The following TLK2 variants were observed in gnomAD, a reference collection of about 807,000 sequenced individuals.
TLK2 encodes the protein tousled like kinase 2.
In TLK2, 6 loss-of-function variants were observed where a neutral mutation model predicts 117.3. The ratio of observed to expected loss-of-function variants is 0.05; its 90% confidence interval spans 0.03 to 0.10. The LOEUF is 0.10. Ranked by LOEUF, TLK2 falls within the 10% of genes least tolerant of loss-of-function variation. The pLI is 1.00. For synonymous variants in TLK2, 257 were observed against 316.7 expected, an observed-to-expected ratio of 0.81 and a Z score of 2.00; for missense variants, 299 against 901.2, an observed-to-expected ratio of 0.33 and a Z score of 8.56.
At chr17:62,504,866 T>C (rs2319040) in intron 2 of TLK2, among the ~76,000 whole-genome samples, 7 of 152,170 alleles carry the variant, frequency 4.6e-5, no homozygotes, top group African/African-American at 1.7e-4. Context: ...ATTTATTTAT[T>C]ACTTTGAGAC....
At chr17:62,554,670 CA>C (rs1267262252) in intron 9 of TLK2, among the ~76,000 whole-genome samples, 1 of 152,074 alleles carries the variant, frequency 6.6e-6, no homozygotes, top group Admixed American at 6.6e-5. Flanking sequence ...TGCTTGAGAT[CA>C]GGGGTTTGAG....
chr17:62,492,529 C>T (rs2073209911), intron 2 of TLK2, among the ~76,000 whole-genome samples: 1 of 151,894 alleles, frequency 6.6e-6, no homozygotes, highest in African/African-American at 2.4e-5. Flanking sequence ...ACGATCTTGG[C>T]TCACTGTGAT....
intron 7 of TLK2, among the ~76,000 whole-genome samples, chr17:62,547,414 G>A (rs1175963737): frequency 2.0e-5 from 3 of 151,706 alleles, no homozygotes; most frequent in Non-Finnish European, 4.4e-5. Context: ...CACAGGACCA[G>A]GCACAGAGGG....
intron 7 of TLK2, among the ~76,000 whole-genome samples, chr17:62,543,369 T>C (rs2077678739): frequency 6.6e-6 from 1 of 152,234 alleles, no homozygotes; most frequent in Admixed American, 6.5e-5. Flanking sequence ...GGATATATGC[T>C]GGAGAGTGAA....
At chr17:62,538,351 C>T (rs2077264698) in intron 7 of TLK2, among the ~76,000 whole-genome samples, 1 of 152,082 alleles carries the variant, frequency 6.6e-6, no homozygotes, top group South Asian at 2.1e-4. Flanking sequence ...AAATCTTTAT[C>T]TTGGATCTTA....
chr17:62,478,297 C>T (rs1056014480), upstream of TLK2, among the ~76,000 whole-genome samples: 3 of 151,704 alleles, frequency 2.0e-5, no homozygotes, highest in African/African-American at 7.2e-5. Context: ...CCGCACTTCT[C>T]ACCCAAACTC....
At chr17:62,596,503 A>G (rs1332197068) in intron 16 of TLK2, 82 bp from the exon 17 acceptor site, 22 of 1,023,988 alleles carry the variant, frequency 2.1e-5, no homozygotes, top group Non-Finnish European at 3.4e-5. Flanking sequence ...TAGAGAAATG[A>G]TTGAATATTT....
chr17:62,563,761 T>G (rs2079496068), intron 10 of TLK2, among the ~76,000 whole-genome samples: 1 of 152,216 alleles, frequency 6.6e-6, no homozygotes, highest in Non-Finnish European at 1.5e-5. Flanking sequence ...TACTTAACAT[T>G]CTTACAGTTC....
intron 11 of TLK2, among the ~76,000 whole-genome samples, chr17:62,569,161 C>T (rs968236492): frequency 2.0e-5 from 3 of 151,158 alleles, no homozygotes; most frequent in African/African-American, 4.8e-5. Context: ...AAAAATTAGC[C>T]GGGCATGGTG....
At chr17:62,563,264 G>A (rs2146402057) in intron 10 of TLK2, among the ~76,000 whole-genome samples, 1 of 152,256 alleles carries the variant, frequency 6.6e-6, no homozygotes, top group East Asian at 1.9e-4. Context: ...CTATTCAGAT[G>A]AGCAGTGCAC....
chr17:62,553,161 T>C (rs1382462174), intron 8 of TLK2, among the ~76,000 whole-genome samples: 2 of 152,132 alleles, frequency 1.3e-5, no homozygotes, highest in Non-Finnish European at 2.9e-5. Flanking sequence ...TTCTTAAATC[T>C]CAAGAGGTAT....
At chr17:62,480,867 T>A (rs889055944) in intron 1 of TLK2, among the ~76,000 whole-genome samples, 4 of 152,216 alleles carry the variant, frequency 2.6e-5, no homozygotes, top group Non-Finnish European at 5.9e-5. Flanking sequence ...TTATTTTTGC[T>A]GTTAAAATCA....
intron 14 of TLK2, among the ~76,000 whole-genome samples, chr17:62,579,172 G>A (rs1567960757): frequency 6.6e-6 from 1 of 152,006 alleles, no homozygotes; most frequent in Non-Finnish European, 1.5e-5. Context: ...TTTTTGTTTG[G>A]CTTATATGAG....
Position 62,508,131 on chromosome 17 carries a change from T to C in TLK2, c.82-12642T>C, listed in dbSNP as rs2074856163. Among the ~76,000 whole-genome samples the C allele has an allele frequency of 2.0e-5, 3 of 150,992 alleles. No homozygotes were observed. In the South Asian group the frequency reaches 6.3e-4, roughly 32 times the overall value. The stretch of plus-strand genomic sequence containing the variant: ...TTAAATTTGTTTAAATTTGTGAAAT[T>C]AACAAATTTAAACCAGTAAATTAAA... On this transcript the variant is annotated intron_variant, in intron 2 of 21. Transcript: ENST00000346027.
intron 2 of TLK2, among the ~76,000 whole-genome samples, chr17:62,488,223 C>T (rs149306416): frequency 5.3e-5 from 8 of 152,340 alleles, no homozygotes; most frequent in African/African-American, 1.4e-4. Flanking sequence ...CGTCAGCCAC[C>T]GTGCCCGGGC....
chr17:62,574,532 T>C (rs934670345), intron 12 of TLK2: 1 of 652,548 alleles, frequency 1.5e-6, no homozygotes, highest in Admixed American at 2.6e-5. Flanking sequence ...TGTTTTTTTT[T>C]TTTGAGACGA....
intron 2 of TLK2, among the ~76,000 whole-genome samples, chr17:62,505,278 C>T (rs888952525): frequency 6.6e-6 from 1 of 152,126 alleles, no homozygotes; most frequent in African/African-American, 2.4e-5. Flanking sequence ...GGATCTTACT[C>T]TGTTGCCCAG....
At chr17:62,570,499 AGT>A (rs1294917592) in intron 11 of TLK2, among the ~76,000 whole-genome samples, 1 of 152,182 alleles carries the variant, frequency 6.6e-6, no homozygotes, top group Non-Finnish European at 1.5e-5. Context: ...TTCTGTGAGA[AGT>A]TACAGTTTGA....
chr17:62,576,537 G>A (rs2080800896), intron 12 of TLK2, among the ~76,000 whole-genome samples, 172 bp from the exon 13 acceptor site: 1 of 151,768 alleles, frequency 6.6e-6, no homozygotes, highest in African/African-American at 2.4e-5. Context: ...CATCACATCT[G>A]GTAAATCACA....
Sources: allele counts gnomAD v4.1 joint callset (sites outside exome capture counted in the v4.1 genomes callset), GRCh38; gene constraint gnomAD v4.1.1; transcripts MANE v1.5; gene names NCBI Gene and HGNC (gene_info 2026-07-23, HGNC 2026-07-21).